RMDN2: variants seen among roughly 807,000 people sequenced by gnomAD.
RMDN2 encodes regulator of microtubule dynamics protein 2.
Under a neutral mutation model 52.8 loss-of-function variants are expected in RMDN2, and 61 were observed. The observed-to-expected ratio is 1.16, with a 90% confidence interval of 0.94 to 1.43. RMDN2 has a LOEUF of 1.43. Among genes scored for constraint, RMDN2 ranks in the 40% most tolerant of loss-of-function variants. The pLI, the probability that RMDN2 is intolerant of heterozygous loss-of-function variation, is 0.00. For synonymous variants in RMDN2, 180 were observed against 153.1 expected, an observed-to-expected ratio of 1.18 and a Z score of -1.30; for missense variants, 592 against 475.3, an observed-to-expected ratio of 1.25 and a Z score of -2.28.
In RMDN2 at chr2:37,946,425, C is replaced by T. The variant is rs78332813; in HGVS notation, c.452+16696C>T. 3.1e-3 allele frequency among the ~76,000 whole-genome samples: 466 copies of T among 152,268 alleles called. 3 individuals are homozygous for T. Among genetic ancestry groups the T allele is most frequent in the Non-Finnish European group, 5.1e-3 (348 of 68,026 alleles). ...CTTCCCTATGCTACCCCTCTCCTCT[C>T]CTCTATCAATTTACGTGTCTTAGGA... On this transcript the variant is annotated intron_variant, in intron 2 of 10. Transcript: ENST00000354545.
At chr2:38,032,315 A>AT (rs1455415225) in intron 10 of RMDN2, among the ~76,000 whole-genome samples, 2 of 152,012 alleles carry the variant, frequency 1.3e-5, no homozygotes, top group East Asian at 1.9e-4. Flanking sequence ...CTATAGATTA[A>AT]TTTTTTTACA....
At chr2:37,966,245 T>C (rs1347407860) in intron 2 of RMDN2, among the ~76,000 whole-genome samples, 2 of 152,008 alleles carry the variant, frequency 1.3e-5, no homozygotes, top group Non-Finnish European at 2.9e-5. Context: ...GGTGAAACCC[T>C]GTCTTTACTA....
downstream of RMDN2, among the ~76,000 whole-genome samples, chr2:38,021,260 C>T (rs898290762): frequency 1.3e-5 from 2 of 152,112 alleles, no homozygotes; most frequent in East Asian, 1.9e-4. Flanking sequence ...CAAAACGGAC[C>T]AATCAGCTCT....
At chr2:38,050,517 A>G (rs1184211173) in intron 10 of RMDN2, among the ~76,000 whole-genome samples, 1 of 152,152 alleles carries the variant, frequency 6.6e-6, no homozygotes, top group Non-Finnish European at 1.5e-5. Flanking sequence ...CGTAGGGACT[A>G]TGTGCTTGCT....
At position 37,966,491 on chromosome 2, in the gene RMDN2, A is replaced by G. The variant is rs1049404594; in HGVS notation, c.453-7549A>G. ...TTTGGCTTTGGCCGTTGTTTCTTCA[A>G]ATTAGCTTACTGCCACTTTCTCTCT... On this transcript the variant is annotated intron_variant, in intron 2 of 10. Transcript: ENST00000354545. 4.3e-4 allele frequency among the ~76,000 whole-genome samples: 66 copies of G among 151,970 alleles called. 1 individual carries two copies. The highest frequency in any genetic ancestry group is 1.2e-3 in the Admixed American group (19 of 15,260).
chr2:38,010,602 C>T (rs558759722), intron 10 of RMDN2, among the ~76,000 whole-genome samples: 6 of 152,146 alleles, frequency 3.9e-5, no homozygotes, highest in Non-Finnish European at 8.8e-5. Context: ...TTCCAGGTGC[C>T]GTTTGTCACC....
rs748779695 is a variant in RMDN2 at position 37,974,178 on chromosome 2, G to A, written c.591G>A (p.Ser197=). Residue 197 remains serine (S), a synonymous_variant, in exon 3 of 11, where the codon TCG becomes TCA. Transcript: ENST00000354545. ...DHLRMSESGK[S]ESFELLRDHK... is the part of the protein sequence containing the mutation. ...TACGTATGAGTGAGTCTGGCAAGTCGGAGAGTTTTGAACTACTTCGTGACC... is the reference window on the plus strand; with the variant it reads ...TACGTATGAGTGAGTCTGGCAAGTCAGAGAGTTTTGAACTACTTCGTGACC... The A allele has an allele frequency of 5.0e-6, 8 of 1,612,906 alleles. No homozygotes were observed. Among genetic ancestry groups the A allele is most frequent in the African/African-American group, 2.7e-5 (2 of 74,820 alleles).
chr2:37,959,275 C>G (rs1331785919), intron 2 of RMDN2, among the ~76,000 whole-genome samples: 1 of 150,966 alleles, frequency 6.6e-6, no homozygotes, highest in Non-Finnish European at 1.5e-5. Flanking sequence ...GTGAATCCAT[C>G]TGGACCTGGG....
chr2:38,025,534 T>C (rs1679717988), intron 10 of RMDN2, among the ~76,000 whole-genome samples: 1 of 152,108 alleles, frequency 6.6e-6, no homozygotes, highest in Admixed American at 6.5e-5. Context: ...GGGCAAGCGT[T>C]CTTATTTTAA....
chr2:38,055,732 A>G (rs182382237), intron 10 of RMDN2, among the ~76,000 whole-genome samples: 3 of 152,258 alleles, frequency 2.0e-5, no homozygotes, highest in African/African-American at 7.2e-5. Context: ...TTAAAGAACA[A>G]AGAAACCCTT....
chr2:37,977,428 G>A (rs1046080556), intron 4 of RMDN2, among the ~76,000 whole-genome samples: 5 of 151,464 alleles, frequency 3.3e-5, no homozygotes, highest in African/African-American at 9.7e-5. Context: ...GGGCAGAGGC[G>A]CCCCCACCTC....
chr2:38,053,718 T>C (rs1681728969), intron 10 of RMDN2, among the ~76,000 whole-genome samples: 1 of 152,224 alleles, frequency 6.6e-6, no homozygotes, highest in Non-Finnish European at 1.5e-5. Flanking sequence ...GTGAGCTATT[T>C]GATCTTATTC....
At position 37,929,292 on chromosome 2, in the gene RMDN2, A is replaced by C; in HGVS notation, c.15A>C (p.Thr5=). ...AAAACCAAGAAATGCCTTATTCCAC[A>C]AACAAAGAGTTGATACTTGGCATCA... MPYS[T]NKELILGIMV... Residue 5 remains threonine (T), a synonymous_variant, in exon 2 of 11, where the codon ACA becomes ACC. Coordinates refer to ENST00000354545, the MANE Select transcript of RMDN2 (RefSeq NM_001170791.3). The C allele has an allele frequency of 6.6e-7, 1 of 1,521,718 alleles. No homozygotes were observed. The highest frequency in any genetic ancestry group is 1.3e-5 in the South Asian group (1 of 79,156). The allele number at this position is 1,521,718 out of a possible 1,614,324, so 94.3% of individuals were successfully genotyped here.
At chr2:37,973,702 G>A (rs1177597991) in intron 2 of RMDN2, among the ~76,000 whole-genome samples, 1 of 152,090 alleles carries the variant, frequency 6.6e-6, no homozygotes, top group Non-Finnish European at 1.5e-5. Flanking sequence ...TGAGTTATGT[G>A]GCTGTCTAAG....
At chr2:37,974,648 T>A (rs201492114) in intron 3 of RMDN2, 31 of 104,992 alleles carry the variant, frequency 3.0e-4, no homozygotes, top group African/African-American at 3.4e-4. Context: ...CTAAAAAAAA[T>A]AAAATAAAAT....
At chr2:37,964,550 A>G (rs987177058) in intron 2 of RMDN2, among the ~76,000 whole-genome samples, 5 of 152,220 alleles carry the variant, frequency 3.3e-5, no homozygotes, top group Non-Finnish European at 5.9e-5. Flanking sequence ...AATATGCTTC[A>G]TATAATTTCT....
intron 10 of RMDN2, among the ~76,000 whole-genome samples, chr2:38,043,087 A>C (rs894331883): frequency 6.6e-6 from 1 of 152,174 alleles, no homozygotes; most frequent in Non-Finnish European, 1.5e-5. Flanking sequence ...TGTTGAAAAG[A>C]TGTTGAACTA....
At chr2:38,003,780 A>G (rs1230779996) in intron 8 of RMDN2, among the ~76,000 whole-genome samples, 1 of 152,198 alleles carries the variant, frequency 6.6e-6, no homozygotes, top group Non-Finnish European at 1.5e-5. Flanking sequence ...CATGGTAATC[A>G]ATTTTATTTT....
chr2:38,005,413 G>A (rs1449862978), intron 10 of RMDN2, among the ~76,000 whole-genome samples: 4 of 151,978 alleles, frequency 2.6e-5, no homozygotes, highest in East Asian at 1.9e-4. Context: ...GTGAGATGGT[G>A]TCTCATTGTG....
Sources: gnomAD v4.1 joint callset for allele counts (sites outside exome capture counted in the v4.1 genomes callset) on GRCh38, gnomAD v4.1.1 for gene constraint, MANE v1.5 for transcripts, NCBI Gene and HGNC (gene_info 2026-07-23, HGNC 2026-07-21) for gene names.